SPG11: variants seen among roughly 807,000 people sequenced by gnomAD.
SPG11 encodes the protein SPG11 vesicle trafficking associated, spatacsin, also known as spatacsin.
In SPG11, 222 loss-of-function variants were observed where a neutral mutation model predicts 274.0. The ratio of observed to expected loss-of-function variants is 0.81; its 90% CI spans 0.73 to 0.91. SPG11 has a LOEUF of 0.91. Among genes scored for constraint, SPG11 ranks in the 40% least tolerant of loss-of-function variants. SPG11 has a pLI of 0.00. For missense variants in SPG11, 3,114 were observed against 2,872.7 expected, an observed-to-expected ratio of 1.08 and a Z score of -1.92; for synonymous variants, 1,144 against 1,039.7, an observed-to-expected ratio of 1.10 and a Z score of -1.93.
intron 4 of SPG11, among the ~76,000 whole-genome samples, chr15:44,652,647 T>C (rs1316897441): frequency 6.6e-6 from 1 of 151,130 alleles, no homozygotes; most frequent in African/African-American, 2.5e-5. Flanking sequence ...CTATCAAGTC[T>C]AGCTTTTTTT....
intron 20 of SPG11, among the ~76,000 whole-genome samples, chr15:44,604,505 A>C (rs1263717277): frequency 6.6e-6 from 1 of 152,204 alleles, no homozygotes; most frequent in African/African-American, 2.4e-5. Flanking sequence ...AATTCATTCT[A>C]GAGGGAAATT....
chr15:44,629,488 A>T, intron 8 of SPG11, 100 bp from the exon 9 acceptor site: 1 of 1,318,210 alleles, frequency 7.6e-7, no homozygotes, highest in Non-Finnish European at 1.1e-6. Flanking sequence ...TAAACATAAA[A>T]CAAGGACCAA....
chr15:44,600,962 G>A (rs1454260811), intron 20 of SPG11, among the ~76,000 whole-genome samples: 1 of 152,142 alleles, frequency 6.6e-6, no homozygotes, highest in Non-Finnish European at 1.5e-5. Flanking sequence ...AGACCAGCCT[G>A]ACCAAGTTGG....
rs544537090 is a variant in SPG11 at position 44,601,853 on chromosome 15, C to G, written c.3521-1221G>C. Among the ~76,000 whole-genome samples, 518 of 152,236 alleles carry G rather than the reference C, an allele frequency of 3.4e-3. 4 individuals carry two copies. Among genetic ancestry groups the G allele is most frequent in the African/African-American group, 0.012 (492 of 41,542 alleles). On this transcript the variant is annotated intron_variant, in intron 20 of 39. Coordinates refer to ENST00000261866, the MANE Select transcript of SPG11 (RefSeq NM_025137.4). ...CGATTACAGGCATGAGCGTGAGCCA[C>G]TGTGTCCAGCCAGCCACCGCGCCCA...
chr15:44,591,890 A>G (rs1196754333), intron 27 of SPG11, among the ~76,000 whole-genome samples: 2 of 152,284 alleles, frequency 1.3e-5, no homozygotes, highest in Non-Finnish European at 2.9e-5. Flanking sequence ...TGGGTGGATC[A>G]CTTGAGGTCA....
Position 44,567,476 on chromosome 15 carries a change from G to GT in SPG11, c.6701dup (p.Asn2234LysfsTer14). The GT allele has an allele frequency of 6.2e-7, 1 of 1,614,082 alleles. No homozygotes were observed. Among genetic ancestry groups the GT allele is most frequent in the Non-Finnish European group, 8.5e-7 (1 of 1,180,010 alleles). On this transcript the variant is annotated frameshift_variant, in exon 36 of 40. Transcript: ENST00000261866. LOFTEE classifies it high-confidence loss of function. ...GTTGGATGCGGGCAGCTGCCTCGTG[G>GT]TTCTCGCCAATCTCCCGGCACATGC...
intron 18 of SPG11, among the ~76,000 whole-genome samples, chr15:44,609,968 T>C (rs1446290541): frequency 1.4e-5 from 2 of 146,434 alleles, no homozygotes; most frequent in East Asian, 4.1e-4. Context: ...ACTGGCGCGA[T>C]CTCAGCTCAC....
rs1055703962 is a variant in SPG11, at chr15:44,562,733, T to G, written c.*388A>C. 1 of 177,542 alleles carries G rather than the reference T, an allele frequency of 5.6e-6. No homozygotes were observed. The highest frequency in any genetic ancestry group is 1.2e-5 in the Non-Finnish European group (1 of 83,024). 11.0% of individuals were successfully genotyped at this position (177,542 alleles called of 1,614,324 possible). On this transcript the variant is annotated 3_prime_UTR_variant, in exon 40 of 40. Coordinates refer to ENST00000261866, the MANE Select transcript of SPG11 (RefSeq NM_025137.4). ...CTATTTTATTACAGAAAGATCAGTT[T>G]CTAACAAATGAAAATGTATCACCTG...
rs2083380261 is a variant in SPG11, at chr15:44,608,528, G to A, written c.3369C>T (p.Tyr1123=). The A allele has an allele frequency of 1.2e-6, 2 of 1,614,092 alleles. No individual in the cohort carries two copies. Among genetic ancestry groups the A allele is most frequent in the Non-Finnish European group, 1.7e-6 (2 of 1,180,000 alleles). The change falls in exon 19 of 40, where the codon TAC becomes TAT. Residue 1123 remains tyrosine, a synonymous_variant. Coordinates refer to ENST00000261866, the MANE Select transcript of SPG11 (RefSeq NM_025137.4). ...GGAAGAGAGCAGTTTTTAGCTTGGG[G>A]TAAGGAGTTAATGCCATCTTCAATA... ...PQLLKMALTP[Y]PKLKTALFPQ...
chr15:44,610,593 G>GT (rs1319921172), intron 18 of SPG11, among the ~76,000 whole-genome samples: 7 of 152,010 alleles, frequency 4.6e-5, no homozygotes, highest in African/African-American at 1.4e-4. Context: ...GGCCAGGCTG[G>GT]TCTCGAACTC....
chr15:44,615,629 T>G (rs1444558355), intron 15 of SPG11, 63 bp from the exon 16 acceptor site: 3 of 1,422,318 alleles, frequency 2.1e-6, no homozygotes. Flanking sequence ...GACCAAATCA[T>G]GCCCACAGTT....
intron 20 of SPG11, among the ~76,000 whole-genome samples, chr15:44,601,836 G>C (rs1352822705): frequency 6.6e-6 from 1 of 152,086 alleles, no homozygotes; most frequent in Admixed American, 6.5e-5. Flanking sequence ...TGCGATTACA[G>C]GCATGAGCGT....
At chr15:44,663,318 A>G in intron 1 of SPG11, 73 bp downstream of exon 1, 3 of 1,553,050 alleles carry the variant, frequency 1.9e-6, no homozygotes, top group Non-Finnish European at 1.7e-6. Flanking sequence ...CCTCGGCGTG[A>G]GCCCTTGGGG....
At chr15:44,631,783 G>A (rs1358890273) in intron 8 of SPG11, among the ~76,000 whole-genome samples, 1 of 142,912 alleles carries the variant, frequency 7.0e-6, no homozygotes, top group East Asian at 2.1e-4. Context: ...GGGATTATAG[G>A]TGTGAGCCAC....
chr15:44,576,142 C>CAAAAAAAAAAAAAAAAAA (rs201558800), intron 30 of SPG11, among the ~76,000 whole-genome samples: 1 of 43,060 alleles, frequency 2.3e-5, no homozygotes, highest in Non-Finnish European at 3.9e-5. Flanking sequence ...AACTCCATCT[C>CAAAAAAAAAAAAAAAAAA]AAAAAAAAAA....
chr15:44,565,783 T>G (rs1333346584), intron 38 of SPG11, 71 bp downstream of exon 38: 1 of 1,588,384 alleles, frequency 6.3e-7, no homozygotes, highest in African/African-American at 1.3e-5. Context: ...ACCTTACCTC[T>G]GGGTTCCATG....
At chr15:44,589,817 A>G (rs1404446197) in intron 27 of SPG11, among the ~76,000 whole-genome samples, 2 of 152,178 alleles carry the variant, frequency 1.3e-5, no homozygotes, top group East Asian at 3.9e-4. Flanking sequence ...TTTTTATTTT[A>G]TTTTTTGAGA....
At chr15:44,607,054 C>T (rs964264165) in intron 19 of SPG11, among the ~76,000 whole-genome samples, 1 of 152,204 alleles carries the variant, frequency 6.6e-6, no homozygotes, top group Non-Finnish European at 1.5e-5. Context: ...ACACTTCTGT[C>T]AGTATAAATC....
At chr15:44,634,419 C>A (rs1322985490) in intron 7 of SPG11, among the ~76,000 whole-genome samples, 1 of 151,498 alleles carries the variant, frequency 6.6e-6, no homozygotes, top group African/African-American at 2.4e-5. Flanking sequence ...GGACTACAGG[C>A]ATGCACCACC....
Sources: gnomAD v4.1 joint callset for allele counts (sites outside exome capture counted in the v4.1 genomes callset) on GRCh38, gnomAD v4.1.1 for gene constraint, MANE v1.5 for transcripts, NCBI Gene and HGNC (gene_info 2026-07-23, HGNC 2026-07-21) for gene names.